Variants in DGLUCY observed in about 807,000 individuals in gnomAD.
DGLUCY encodes the protein D-glutamate cyclase, mitochondrial.
Under a neutral mutation model 58.5 loss-of-function variants are expected in DGLUCY, and 58 were observed. The observed-to-expected ratio is 0.99, with a 90% confidence interval of 0.80 to 1.23. The LOEUF (loss-of-function observed/expected upper bound fraction) is 1.23, where lower values mean the gene tolerates loss of function less well. Ranked by LOEUF, DGLUCY falls within the 50% of genes most tolerant of loss-of-function variation. The pLI, the probability that DGLUCY is intolerant of heterozygous loss-of-function variation, is 0.00. For missense variants in DGLUCY, 779 were observed against 784.7 expected (o/e 0.99, Z 0.09); for synonymous variants, 325 against 314.1 (o/e 1.03, Z -0.37).
rs369023653 is a variant in DGLUCY, at chr14:91,140,870, C to G, written c.-81-16769C>G. Among the ~76,000 whole-genome samples, 55 of 152,292 alleles carry G rather than the reference C, an allele frequency of 3.6e-4. No homozygotes were observed. The South Asian group carries it at 0.01, about 28-fold the overall frequency. ...AAACAGCAATGGTTAGACTCAGGCT[C>G]TCTCTTGCTGCCCTCTCCTGGCTGG... On this transcript the variant is annotated intron_variant, in intron 1 of 13. Coordinates refer to ENST00000256324, the MANE Select transcript of DGLUCY (RefSeq NM_001102368.3).
Position 91,062,586 on chromosome 14 carries a change from TATATATATATATATATATATATATA to T in DGLUCY, c.-82+1884_-82+1908del, listed in dbSNP as rs1306946091. Among the ~76,000 whole-genome samples the T allele has an allele frequency of 2.4e-3, 59 of 24,542 alleles. 8 individuals carry two copies. The highest frequency in any genetic ancestry group is 0.029 in the Middle Eastern group (2 of 70). The allele number at this position is 24,542 out of a possible 152,430, so 16.1% of individuals were successfully genotyped here. A position where few individuals can be genotyped will look rare whatever the true frequency, so the allele number is the denominator to read the frequency against. On this transcript the variant is annotated intron_variant, in intron 1 of 4. Transcript: ENST00000521334. ...ATATATATATATATATATATATATA[TATATATATATATATATATATATATA>T]AACAATCCTTAGCTCAAGGGCAGTT... is the stretch of plus-strand genomic sequence containing the variant.
chr14:91,167,198 A>G (rs538005933), intron 3 of DGLUCY, 27 bp from the exon 4 acceptor site: 1 of 1,560,212 alleles, frequency 6.4e-7, no homozygotes, highest in Non-Finnish European at 8.6e-7. Flanking sequence ...CTGACTATAC[A>G]TTTTTCCCTT....
intron 13 of DGLUCY, among the ~76,000 whole-genome samples, chr14:91,217,509 A>C (rs1886752726): frequency 7.4e-6 from 1 of 136,020 alleles, no homozygotes; most frequent in Non-Finnish European, 1.5e-5. Context: ...TTTGAGACAG[A>C]GTTTTGCTCT....
At chr14:91,172,233 G>C (rs886096681) in intron 5 of DGLUCY, among the ~76,000 whole-genome samples, 5 of 152,060 alleles carry the variant, frequency 3.3e-5, no homozygotes, top group Non-Finnish European at 7.4e-5. Flanking sequence ...AGCACACCCA[G>C]CTAATTTATG....
At chr14:91,105,481 C>T (rs897185647), upstream of DGLUCY, among the ~76,000 whole-genome samples, 1 of 152,112 alleles carries the variant, frequency 6.6e-6, no homozygotes, top group Non-Finnish European at 1.5e-5. Flanking sequence ...TGTGCCAGGC[C>T]TGGTACTAAG....
upstream of DGLUCY, among the ~76,000 whole-genome samples, chr14:91,112,628 T>A (rs1280502365): frequency 6.6e-6 from 1 of 150,984 alleles, no homozygotes; most frequent in Non-Finnish European, 1.5e-5. Flanking sequence ...CCAACATTAT[T>A]GAATACTTCC....
chr14:91,065,121 G>A (rs747992080), intron 1 of DGLUCY, among the ~76,000 whole-genome samples: 2 of 152,172 alleles, frequency 1.3e-5, no homozygotes, highest in Non-Finnish European at 2.9e-5. Context: ...TGTGCTGAGT[G>A]ATAGGAGGGA....
intron 13 of DGLUCY, among the ~76,000 whole-genome samples, chr14:91,219,649 G>A (rs981506054): frequency 2.0e-5 from 3 of 152,252 alleles, no homozygotes; most frequent in Admixed American, 1.3e-4. Flanking sequence ...AGATAAGGTG[G>A]ACATCACTAC....
At chr14:91,071,334 C>CAAAA (rs3086750) in intron 1 of DGLUCY, among the ~76,000 whole-genome samples, 1,702 of 84,126 alleles carry the variant, frequency 0.02, 36 homozygotes, top group Admixed American at 0.032. Flanking sequence ...GAGATTCCAC[C>CAAAA]AAAAAAAAAA....
At chr14:91,199,949 GAA>G in intron 11 of DGLUCY, 44 bp downstream of exon 11, 4 of 1,610,470 alleles carry the variant, frequency 2.5e-6, no homozygotes, top group Non-Finnish European at 2.5e-6. Context: ...GTGGCCCCAT[GAA>G]GTGTCTTTTG....
intron 1 of DGLUCY, among the ~76,000 whole-genome samples, chr14:91,097,391 G>A (rs1179518709): frequency 6.6e-6 from 1 of 151,928 alleles, no homozygotes; most frequent in African/African-American, 2.4e-5. Flanking sequence ...GCGAGACACT[G>A]TCTCAAAAAA....
chr14:91,215,655 G>T, intron 13 of DGLUCY, 99 bp downstream of exon 13: 1 of 1,599,178 alleles, frequency 6.3e-7, no homozygotes, highest in Non-Finnish European at 8.5e-7. Flanking sequence ...CTGGCACCCT[G>T]CTGCCCCTCA....
At chr14:91,190,325 A>G (rs1361507417) in intron 9 of DGLUCY, among the ~76,000 whole-genome samples, 2 of 152,196 alleles carry the variant, frequency 1.3e-5, no homozygotes, top group African/African-American at 4.8e-5. Context: ...AGCAAAACTG[A>G]CAACAGTCCT....
intron 2 of DGLUCY, among the ~76,000 whole-genome samples, chr14:91,158,192 C>T (rs2047773092): frequency 6.6e-6 from 1 of 152,206 alleles, no homozygotes; most frequent in Non-Finnish European, 1.5e-5. Context: ...AGTTGCTTGG[C>T]TAAGGTGGTC....
At chr14:91,223,676 C>A in intron 13 of DGLUCY, 2 of 1,285,824 alleles carry the variant, frequency 1.6e-6, no homozygotes, top group African/African-American at 3.1e-5. Flanking sequence ...TTTTAACCAG[C>A]AGGAGAGCAA....
chr14:91,082,417 A>G (rs2044142840), intron 1 of DGLUCY, among the ~76,000 whole-genome samples: 1 of 152,224 alleles, frequency 6.6e-6, no homozygotes, highest in African/African-American at 2.4e-5. Context: ...CGTGAAGCTT[A>G]TTATTGTGAT....
intron 9 of DGLUCY, 136 bp from the exon 10 acceptor site, chr14:91,196,239 A>G: frequency 3.0e-6 from 2 of 676,540 alleles, no homozygotes; most frequent in Non-Finnish European, 5.1e-6. Flanking sequence ...GCCTCGGCTT[A>G]CCTAACATGT....
At chr14:91,148,147 C>T (rs1395335248) in intron 1 of DGLUCY, among the ~76,000 whole-genome samples, 1 of 152,068 alleles carries the variant, frequency 6.6e-6, no homozygotes, top group Non-Finnish European at 1.5e-5. Context: ...GCACTCCAGC[C>T]TGGATGGCAG....
At chr14:91,134,543 T>G (rs553059270) in intron 1 of DGLUCY, among the ~76,000 whole-genome samples, 111 of 152,092 alleles carry the variant, frequency 7.3e-4, no homozygotes, top group African/African-American at 2.7e-3. Flanking sequence ...GTTCAAGCGA[T>G]TCTCTTGCCT....
Sources: allele counts gnomAD v4.1 joint callset (sites outside exome capture counted in the v4.1 genomes callset), GRCh38; gene constraint gnomAD v4.1.1; transcripts MANE v1.5; gene names NCBI Gene and HGNC (gene_info 2026-07-23, HGNC 2026-07-21).